Variants in BEST3 observed in about 807,000 individuals in gnomAD.
BEST3 encodes bestrophin-3.
In BEST3, 50 loss-of-function variants were observed where a neutral mutation model predicts 47.1. The observed-to-expected ratio is 1.06, with a 90% CI of 0.85 to 1.34. BEST3 has a LOEUF of 1.34. BEST3 is among the 40% of genes most tolerant of loss of function. The probability of loss-of-function intolerance (pLI) is 0.00; values close to 1 mark genes in which losing one functional copy is unlikely to be tolerated. For missense variants in BEST3, 765 were observed against 817.0 expected, an observed-to-expected ratio of 0.94 and a Z score of 0.78; for synonymous variants, 282 against 298.8, an observed-to-expected ratio of 0.94 and a Z score of 0.58.
In BEST3 at chr12:69,672,897, G is replaced by A. The variant is rs1884667750; in HGVS notation, c.936C>T (p.Asp312=). 6.2e-7 allele frequency: 1 copy of A among 1,611,402 alleles called. No homozygotes were observed. Among genetic ancestry groups the A allele is most frequent in the Non-Finnish European group, 8.5e-7 (1 of 1,178,884 alleles). ...DDDFETNWCI[D]RNLQVSLLAV... The stretch of plus-strand genomic sequence containing the variant: ...AAATTCCTCTAACCTGCAAATTTCT[G>A]TCAATGCACCAGTTAGTTTCAAAAT... Residue 312 remains aspartate, a synonymous_variant, in exon 8 of 10, where the codon GAC becomes GAT. Transcript: ENST00000330891.
chr12:69,678,816 A>T lies in BEST3; in HGVS notation c.559T>A (p.Trp187Arg). ...GCTTTAGTTGCAAGATTTCCAAACC[A>T]GATGAATGGAACCCAATATTTCAGA... ...PHLKYWVPFI[W>R]FGNLATKARN... Residue 187 changes from tryptophan to arginine, a missense_variant, in exon 5 of 10, where the codon TGG (tryptophan) becomes AGG (arginine). Physicochemically the swap from Trp to Arg is moderately radical, Grantham distance 101. Transcript: ENST00000330891. 1 of 1,613,968 alleles carries T rather than the reference A, an allele frequency of 6.2e-7. No homozygotes were observed. The highest frequency in any genetic ancestry group is 1.1e-5 in the South Asian group (1 of 91,078).
intron 1 of BEST3, among the ~76,000 whole-genome samples, chr12:69,698,896 T>C (rs901998378): frequency 6.6e-6 from 1 of 152,206 alleles, no homozygotes. Flanking sequence ...GGTAGGGCCT[T>C]TTGGCACAAG....
At chr12:69,679,918 T>TGC (rs1307170524) in intron 4 of BEST3, among the ~76,000 whole-genome samples, 6 of 144,036 alleles carry the variant, frequency 4.2e-5, no homozygotes, top group African/African-American at 1.6e-4. Flanking sequence ...TGCATGCGTG[T>TGC]GTGTGTGTGT....
intron 7 of BEST3, among the ~76,000 whole-genome samples, chr12:69,673,993 A>G (rs1884743520): frequency 6.6e-6 from 1 of 152,188 alleles, no homozygotes; most frequent in Non-Finnish European, 1.5e-5. Context: ...TATGTATAAA[A>G]TACAACTCAT....
At chr12:69,648,393 A>G (rs1219383420) in intron 9 of BEST3, among the ~76,000 whole-genome samples, 1 of 152,218 alleles carries the variant, frequency 6.6e-6, no homozygotes, top group Non-Finnish European at 1.5e-5. Context: ...TAAACAGATG[A>G]GACCTATACT....
Position 69,678,895 on chromosome 12 carries a change from T to G in BEST3, c.482-2A>C, listed in dbSNP as rs1167664289. Reference sequence around the variant, plus strand: ...TCCTTTCATCTGTTGTCATAAAACCTTTACAAAAAAATAAAAATCGGTAGG... The same window carrying G: ...TCCTTTCATCTGTTGTCATAAAACCGTTACAAAAAAATAAAAATCGGTAGG... On this transcript the variant is annotated splice_acceptor_variant, in intron 4 of 9. Transcript: ENST00000330891. LOFTEE classifies it high-confidence loss of function. The G allele has an allele frequency of 6.2e-7, 1 of 1,610,390 alleles. No individual in the cohort carries two copies.
chr12:69,678,109 A>G (rs1048180845), intron 5 of BEST3, among the ~76,000 whole-genome samples: 7 of 152,124 alleles, frequency 4.6e-5, no homozygotes, highest in Non-Finnish European at 1.0e-4. Context: ...GATTGCACAA[A>G]GTTATTATGG....
At chr12:69,689,795 T>A (rs1186621243) in intron 4 of BEST3, among the ~76,000 whole-genome samples, 1 of 152,190 alleles carries the variant, frequency 6.6e-6, no homozygotes. Context: ...AGATCCCTTA[T>A]ACAGTAGCCT....
chr12:69,679,918 T>C (rs1387455154), intron 4 of BEST3, among the ~76,000 whole-genome samples: 1 of 144,036 alleles, frequency 6.9e-6, no homozygotes, highest in Non-Finnish European at 1.5e-5. Context: ...TGCATGCGTG[T>C]GTGTGTGTGT....
At chr12:69,643,764 C>G in exon 10 of BEST3, 1 of 715,748 alleles carries the variant, frequency 1.4e-6, no homozygotes, top group Non-Finnish European at 2.6e-6. Flanking sequence ...TTCCATCTTC[C>G]ACTCATTCTT....
rs759531399 is a variant in BEST3, at chr12:69,676,999, TG to T, written c.783del (p.Gly263AlafsTer28). 1.9e-6 allele frequency: 3 copies of T among 1,614,134 alleles called. No individual in the cohort carries two copies. The East Asian group carries it at 6.7e-5, about 36-fold the overall frequency. On this transcript the variant is annotated frameshift_variant, in exon 7 of 10. Coordinates refer to ENST00000330891, the MANE Select transcript of BEST3 (RefSeq NM_032735.3). LOFTEE classifies it high-confidence loss of function. ...CLIGRQFLDP[T>X]KGYAGHDLDL... ...TCCAAGTCATGCCCTGCGTAGCCTT[TG>T]GTGGGATCCAAAAACTGGCGTCCAA...
chr12:69,646,405 A>T (rs1357331974), intron 9 of BEST3, among the ~76,000 whole-genome samples: 9 of 151,878 alleles, frequency 5.9e-5, no homozygotes, highest in African/African-American at 1.9e-4. Context: ...ATTTGGTTTT[A>T]TTTATTTATT....
intron 5 of BEST3, among the ~76,000 whole-genome samples, chr12:69,677,916 T>C (rs928917377): frequency 3.3e-5 from 5 of 152,214 alleles, no homozygotes; most frequent in African/African-American, 1.2e-4. Context: ...TTTTATCGAT[T>C]TTGGTAGGTA....
chr12:69,697,574 AG>A (rs1886178006), intron 2 of BEST3, 72 bp downstream of exon 2: 1 of 1,272,946 alleles, frequency 7.9e-7, no homozygotes, highest in South Asian at 1.7e-5. Flanking sequence ...GGCAATCAAA[AG>A]GTTCAGATTT....
intron 9 of BEST3, among the ~76,000 whole-genome samples, chr12:69,646,488 G>A (rs1252776415): frequency 6.6e-6 from 1 of 151,192 alleles, no homozygotes; most frequent in Non-Finnish European, 1.5e-5. Flanking sequence ...TCTAATCCCT[G>A]GAGATGCACT....
chr12:69,680,526 C>G (rs1358569958), intron 4 of BEST3, among the ~76,000 whole-genome samples: 1 of 151,760 alleles, frequency 6.6e-6, no homozygotes, highest in Non-Finnish European at 1.5e-5. Flanking sequence ...GCCAGGATGT[C>G]TCAATCTCCT....
At chr12:69,650,244 C>A (rs1261170445), downstream of BEST3, among the ~76,000 whole-genome samples, 1 of 152,050 alleles carries the variant, frequency 6.6e-6, no homozygotes, top group Non-Finnish European at 1.5e-5. Flanking sequence ...TCAAGCTTTG[C>A]CAGTGAATAG....
At chr12:69,683,085 G>A (rs902778659) in intron 4 of BEST3, among the ~76,000 whole-genome samples, 1 of 152,160 alleles carries the variant, frequency 6.6e-6, no homozygotes, top group African/African-American at 2.4e-5. Context: ...TTTATCTCTG[G>A]TTATTTTTTA....
At chr12:69,651,080 T>TA (rs1296673052), downstream of BEST3, among the ~76,000 whole-genome samples, 1 of 151,814 alleles carries the variant, frequency 6.6e-6, no homozygotes, top group Non-Finnish European at 1.5e-5. Context: ...GACTTGTCTC[T>TA]AAAAAAAGAA....
Sources: allele counts gnomAD v4.1 joint callset (sites outside exome capture counted in the v4.1 genomes callset), GRCh38; gene constraint gnomAD v4.1.1; transcripts MANE v1.5; gene names NCBI Gene and HGNC (gene_info 2026-07-23, HGNC 2026-07-21).